PIK3AP1: variants seen among roughly 807,000 people sequenced by gnomAD.
The protein encoded by PIK3AP1 is phosphoinositide 3-kinase adapter protein 1.
PIK3AP1 carries 21 observed loss-of-function variants against 88.1 expected under a neutral mutation model. The ratio of observed to expected loss-of-function variants is 0.24; its 90% CI spans 0.17 to 0.34. The LOEUF (loss-of-function observed/expected upper bound fraction) is 0.34. PIK3AP1 is among the 10% of genes least tolerant of loss of function. PIK3AP1 has a pLI of 1.00. For missense variants in PIK3AP1, 828 were observed against 1,035.7 expected (o/e 0.80, Z 2.75); for synonymous variants, 398 against 400.0 (o/e 1.00, Z 0.06).
chr10:96,712,582 A>G (rs1157170734), intron 1 of PIK3AP1, among the ~76,000 whole-genome samples: 2 of 152,390 alleles, frequency 1.3e-5, no homozygotes, highest in South Asian at 2.1e-4. Context: ...GCAAAGCTAC[A>G]TAACTATGCA....
chr10:96,650,296 G>T (rs976950298), intron 6 of PIK3AP1, among the ~76,000 whole-genome samples: 1 of 152,182 alleles, frequency 6.6e-6, no homozygotes, highest in Non-Finnish European at 1.5e-5. Context: ...TAGGCAGAAG[G>T]TAACCAGAGA....
In PIK3AP1 at chr10:96,594,249, T is replaced by C. The variant is rs1402913781; in HGVS notation, c.*1328A>G. ...GTCGTACTTTGGTATCCATGGGGGA[T>C]TGGTTCCAGGATCCCCCAGTATCAA... On this transcript the variant is annotated 3_prime_UTR_variant, in exon 17 of 17. Coordinates refer to ENST00000339364, the MANE Select transcript of PIK3AP1 (RefSeq NM_152309.3). This position sits in a 1 kb window ranked among gnomAD's most constrained non-coding sequence, Gnocchi z 4.6. The C allele has an allele frequency of 1.3e-5, 2 of 152,172 alleles. No individual in the cohort carries two copies. The highest frequency in any genetic ancestry group is 4.8e-5 in the African/African-American group (2 of 41,456). 9.4% of individuals were successfully genotyped at this position (152,172 alleles called of 1,614,324 possible).
intron 2 of PIK3AP1, among the ~76,000 whole-genome samples, chr10:96,678,406 G>T (rs1273810278): frequency 1.3e-5 from 2 of 152,016 alleles, no homozygotes; most frequent in African/African-American, 4.8e-5. Context: ...CTGCACTCCA[G>T]CCTGGGTGAC....
intron 2 of PIK3AP1, among the ~76,000 whole-genome samples, chr10:96,670,103 A>G (rs1204257224): frequency 1.5e-5 from 2 of 137,634 alleles, no homozygotes; most frequent in Admixed American, 7.7e-5. Flanking sequence ...TGAACCTGGG[A>G]GGTGGAGGTT....
At position 96,597,366 on chromosome 10, in the gene PIK3AP1, CTCTCTCTCTCTTTCTT is replaced by C. The variant is rs1241060799; in HGVS notation, c.2361-1748_2361-1733del. 7.4e-4 allele frequency among the ~76,000 whole-genome samples: 83 copies of C among 112,708 alleles called. 3 individuals carry two copies. The Middle Eastern group carries it at 0.023, about 31-fold the overall frequency. 73.9% of individuals were successfully genotyped at this position (112,708 alleles called of 152,430 possible). ...TCCCTCCCTCCCTCCCTCTCTCTCT[CTCTCTCTCTCTTTCTT>C]TCTTTCTTTCTTTCAACAAACACTA... is the stretch of plus-strand genomic sequence containing the variant. On this transcript the variant is annotated intron_variant, in intron 16 of 16. Transcript: ENST00000339364.
chr10:96,628,129 C>T (rs1843178030), intron 9 of PIK3AP1, among the ~76,000 whole-genome samples: 1 of 152,092 alleles, frequency 6.6e-6, no homozygotes, highest in Admixed American at 6.6e-5. Context: ...CAAATAAAAA[C>T]AACAGATGCA....
chr10:96,668,616 G>A (rs1386895686), intron 2 of PIK3AP1, among the ~76,000 whole-genome samples: 1 of 152,154 alleles, frequency 6.6e-6, no homozygotes, highest in Non-Finnish European at 1.5e-5. Context: ...AACAGTCACT[G>A]GGGCCAGTCA....
chr10:96,707,063 T>C lies in PIK3AP1; in HGVS notation c.430+2504A>G, dbSNP rs919199961. Among the ~76,000 whole-genome samples, 15 of 152,332 alleles carry C rather than the reference T, an allele frequency of 9.8e-5. No homozygotes were observed. The East Asian group carries it at 1.9e-3, about 20-fold the overall frequency. Reference sequence around the variant, plus strand: ...TTTAATCTCCCATTAAAGTAATCTCTTTCTGATGAGAAGTTCCTGCTCTTA... The same window carrying C: ...TTTAATCTCCCATTAAAGTAATCTCCTTCTGATGAGAAGTTCCTGCTCTTA... On this transcript the variant is annotated intron_variant, in intron 2 of 16. Coordinates refer to ENST00000339364, the MANE Select transcript of PIK3AP1 (RefSeq NM_152309.3).
At position 96,602,320 on chromosome 10, in the gene PIK3AP1, C is replaced by T. The variant is rs868030322; in HGVS notation, c.2320G>A (p.Glu774Lys). The T allele has an allele frequency of 7.5e-6, 12 of 1,609,602 alleles. No individual in the cohort carries two copies. Among genetic ancestry groups the T allele is most frequent in the South Asian group, 3.3e-5 (3 of 90,394 alleles). The change falls in exon 16 of 17, where the codon GAG (glutamate) becomes AAG (lysine). Residue 774 changes from glutamate to lysine, a missense_variant. Physicochemically the swap from Glu to Lys is moderately conservative, Grantham distance 56 (BLOSUM62 1). Transcript: ENST00000339364. ...CTCGGAGGCACCCTGGGGGGTCTCT[C>T]GAGGGACATGGTGGGTGTCCCATCC... Reference protein sequence around the residue: ...QVDGTPTMSLERPPRVPPRAA... With the variant: ...QVDGTPTMSLKRPPRVPPRAA...
chr10:96,624,595 A>G (rs368171537), intron 10 of PIK3AP1, among the ~76,000 whole-genome samples: 91 of 152,006 alleles, frequency 6.0e-4, no homozygotes, highest in African/African-American at 2.0e-3. Flanking sequence ...TGGGAGGCCG[A>G]GGCAGGAGGA....
chr10:96,698,925 C>T (rs988008693), intron 2 of PIK3AP1, among the ~76,000 whole-genome samples: 2 of 151,984 alleles, frequency 1.3e-5, no homozygotes, highest in Admixed American at 6.6e-5. Flanking sequence ...CGCCTGTAAT[C>T]CCAGCACTTT....
Position 96,616,694 on chromosome 10 carries a change from T to C in PIK3AP1, c.1959A>G (p.Leu653=). ...TCTGTCTTCGGGTGATGCTGTCTCT[T>C]AGCCGTTTAAGATTTTCCTGGAAAA... ...FRFQQENLKR[L]RDSITRRQRE... The change falls in exon 13 of 17, where the codon CTA becomes CTG. Residue 653 remains leucine, a synonymous_variant. Coordinates refer to ENST00000339364, the MANE Select transcript of PIK3AP1 (RefSeq NM_152309.3). 1 of 1,614,228 alleles carries C rather than the reference T, an allele frequency of 6.2e-7. No individual in the cohort carries two copies. The highest frequency in any genetic ancestry group is 8.5e-7 in the Non-Finnish European group (1 of 1,180,032).
intron 2 of PIK3AP1, chr10:96,700,808 G>A: frequency 1.0e-6 from 1 of 985,584 alleles, no homozygotes; most frequent in Non-Finnish European, 1.2e-6. Flanking sequence ...CTTACCATCT[G>A]CGAGGCCACG....
chr10:96,660,917 G>A (rs1034287517), intron 2 of PIK3AP1, among the ~76,000 whole-genome samples: 10 of 152,186 alleles, frequency 6.6e-5, no homozygotes, highest in African/African-American at 2.4e-4. Flanking sequence ...AGGCATGGTG[G>A]CTCACCCCTG....
rs180818067 is a variant in PIK3AP1, at chr10:96,666,412, C to G, written c.431-9478G>C. Among the ~76,000 whole-genome samples the G allele has an allele frequency of 2.2e-3, 337 of 152,136 alleles. 1 individual carries two copies. Among genetic ancestry groups the G allele is most frequent in the African/African-American group, 7.7e-3 (319 of 41,486 alleles). On this transcript the variant is annotated intron_variant, in intron 2 of 16. Coordinates refer to ENST00000339364, the MANE Select transcript of PIK3AP1 (RefSeq NM_152309.3). Reference sequence around the variant, plus strand: ...CCAGCCTGGGCAACAGAGTGAGACTCCATCTCAAACAAACAAACAAAAAAA... The same window carrying G: ...CCAGCCTGGGCAACAGAGTGAGACTGCATCTCAAACAAACAAACAAAAAAA...
intron 3 of PIK3AP1, 140 bp from the exon 4 acceptor site, chr10:96,652,982 G>T: frequency 1.1e-6 from 1 of 919,922 alleles, no homozygotes; most frequent in Non-Finnish European, 1.6e-6. Context: ...GTGGTCCAGT[G>T]CTGGGCAGTG....
intron 2 of PIK3AP1, among the ~76,000 whole-genome samples, chr10:96,678,041 G>A (rs1479907410): frequency 6.6e-6 from 1 of 152,024 alleles, no homozygotes; most frequent in Non-Finnish European, 1.5e-5. Flanking sequence ...ATGGCTCACT[G>A]CAGCCTCGAC....
At chr10:96,651,827 G>A (rs1843542916) in intron 4 of PIK3AP1, among the ~76,000 whole-genome samples, 176 bp from the exon 5 acceptor site, 1 of 152,274 alleles carries the variant, frequency 6.6e-6, no homozygotes. Flanking sequence ...TAGCAGGTGA[G>A]CAAACCAGCA....
At chr10:96,624,663 A>C (rs1242956525) in intron 10 of PIK3AP1, among the ~76,000 whole-genome samples, 2 of 1,888 alleles carry the variant, frequency 1.1e-3, no homozygotes, top group Non-Finnish European at 0.019. Flanking sequence ...CCCTGTCTCA[A>C]AAAAAAAAAA....
Sources: gnomAD v4.1 joint callset for allele counts (sites outside exome capture counted in the v4.1 genomes callset) on GRCh38, gnomAD v4.1.1 for gene constraint, Gnocchi (gnomAD v3.1) non-coding constraint, MANE v1.5 for transcripts, NCBI Gene and HGNC (gene_info 2026-07-23, HGNC 2026-07-21) for gene names.